The following PCDHA4 variants were observed in gnomAD, a reference collection of about 807,000 sequenced individuals.
PCDHA4 encodes the protein protocadherin alpha-4.
PCDHA4 carries 49 observed loss-of-function variants against 61.4 expected under a neutral mutation model. The observed-to-expected ratio is 0.80, with a 90% CI of 0.63 to 1.01. The LOEUF (loss-of-function observed/expected upper bound fraction) is 1.01, where lower values mean the gene tolerates loss of function less well. Ranked by LOEUF, PCDHA4 falls within the 50% of genes least tolerant of loss-of-function variation. The probability of loss-of-function intolerance (pLI) is 0.00; values close to 1 mark genes in which losing one functional copy is unlikely to be tolerated. For missense variants in PCDHA4, 1,254 were observed against 1,235.8 expected, an observed-to-expected ratio of 1.01 and a Z score of -0.22; for synonymous variants, 590 against 550.3, an observed-to-expected ratio of 1.07 and a Z score of -1.01.
At chr5:140,985,491 G>C (rs1288786153) in intron 3 of PCDHA4, among the ~76,000 whole-genome samples, 3 of 152,166 alleles carry the variant, frequency 2.0e-5, no homozygotes, top group African/African-American at 7.2e-5. Flanking sequence ...GACTCAAATA[G>C]AGCCTGCCTT....
At chr5:140,999,837 A>T (rs2097878885) in intron 3 of PCDHA4, among the ~76,000 whole-genome samples, 1 of 152,206 alleles carries the variant, frequency 6.6e-6, no homozygotes, top group Non-Finnish European at 1.5e-5. Context: ...AAATATGCCA[A>T]GTGTATTTAT....
chr5:140,936,303 T>C (rs1223461427), intron 1 of PCDHA4, among the ~76,000 whole-genome samples: 3 of 152,236 alleles, frequency 2.0e-5, no homozygotes, highest in South Asian at 2.1e-4. Flanking sequence ...TGCTATCCAA[T>C]AGAACTTTCT....
At chr5:140,946,631 T>TATATGTATATAC (rs57893927) in intron 1 of PCDHA4, among the ~76,000 whole-genome samples, 2 of 131,846 alleles carry the variant, frequency 1.5e-5, no homozygotes, top group Non-Finnish European at 3.1e-5. Flanking sequence ...TATATATATA[T>TATATGTATATAC]ACAATGGAAT....
intron 1 of PCDHA4, among the ~76,000 whole-genome samples, chr5:140,941,206 T>TCTTCCTTC (rs201128549): frequency 1.0e-4 from 10 of 95,674 alleles, no homozygotes; most frequent in African/African-American, 3.6e-4. Flanking sequence ...TTTCTTCCTT[T>TCTTCCTTC]CTTTCTTCCT....
At position 140,856,173 on chromosome 5, in the gene PCDHA4, C is replaced by A. The variant is rs782775861; in HGVS notation, c.2385+46601C>A. The stretch of plus-strand genomic sequence containing the variant: ...GTCTACGAGGAGGCCAGACACGGCA[C>A]CTTCGTGGGCCGCATCGCGCAGGAC... On this transcript the variant is annotated intron_variant, in intron 1 of 3. Coordinates refer to ENST00000530339, the MANE Select transcript of PCDHA4 (RefSeq NM_018907.4). The A allele has an allele frequency of 1.1e-5, 17 of 1,598,116 alleles. 1 individual carries two copies. The highest frequency in any genetic ancestry group is 3.4e-4 in the Middle Eastern group (2 of 5,954).
Position 140,809,416 on chromosome 5 carries a change from T to G in PCDHA4, c.2229T>G (p.Ser743Arg). 1.9e-6 allele frequency: 3 copies of G among 1,614,080 alleles called. No homozygotes were observed. The highest frequency in any genetic ancestry group is 2.5e-6 in the Non-Finnish European group (3 of 1,179,982). Residue 743 changes from serine to arginine, a missense_variant, in exon 1 of 4, where the codon AGT becomes AGG. Transcript: ENST00000530339. ...APGKPTLVCSSAVGSWSYSQQ... is the reference protein window; with the variant it reads ...APGKPTLVCSRAVGSWSYSQQ... ...GCAAGCCCACGCTGGTGTGCTCCAGTGCGGTGGGGAGCTGGTCATACTCGC... is the reference window on the plus strand; with the variant it reads ...GCAAGCCCACGCTGGTGTGCTCCAGGGCGGTGGGGAGCTGGTCATACTCGC...
chr5:140,898,414 C>T (rs1554187972), intron 1 of PCDHA4, among the ~76,000 whole-genome samples: 1 of 152,170 alleles, frequency 6.6e-6, no homozygotes, highest in Non-Finnish European at 1.5e-5. Flanking sequence ...ATACGGCTAG[C>T]CAGTTTTCCC....
chr5:140,877,242 G>A, intron 1 of PCDHA4: 1 of 1,613,732 alleles, frequency 6.2e-7, no homozygotes, highest in Non-Finnish European at 8.5e-7. Flanking sequence ...CGGGCCACGT[G>A]GTGGCGAAAG....
chr5:140,823,892 T>C, intron 1 of PCDHA4: 1 of 1,613,932 alleles, frequency 6.2e-7, no homozygotes, highest in Non-Finnish European at 8.5e-7. Context: ...ATCTGTGCGG[T>C]GTCCAGCCTG....
intron 1 of PCDHA4, among the ~76,000 whole-genome samples, chr5:140,909,254 G>A (rs915513119): frequency 6.6e-6 from 1 of 152,334 alleles, no homozygotes; most frequent in East Asian, 1.9e-4. Context: ...TGCTGGCCTT[G>A]CTGACTGAAG....
chr5:140,879,879 G>A lies in PCDHA4; in HGVS notation c.2385+70307G>A, dbSNP rs564256513. Among the ~76,000 whole-genome samples the A allele has an allele frequency of 4.6e-5, 7 of 152,240 alleles. No individual in the cohort carries two copies. In the South Asian group the frequency reaches 1.5e-3, roughly 32 times the overall value. On this transcript the variant is annotated intron_variant, in intron 1 of 3. Coordinates refer to ENST00000530339, the MANE Select transcript of PCDHA4 (RefSeq NM_018907.4). ...CCTTCTCAGCTTTCATGGTCACATT[G>A]CCTCCTCCTCTCCATGTCTCTCTCT... is the stretch of plus-strand genomic sequence containing the variant.
chr5:140,946,765 T>C (rs1255265012), intron 1 of PCDHA4, among the ~76,000 whole-genome samples: 2 of 151,428 alleles, frequency 1.3e-5, no homozygotes, highest in African/African-American at 4.9e-5. Flanking sequence ...ATCTCATTCA[T>C]GTGGAATGTA....
chr5:140,839,527 C>T (rs1390318368), intron 1 of PCDHA4, among the ~76,000 whole-genome samples: 1 of 151,932 alleles, frequency 6.6e-6, no homozygotes. Context: ...GTTGCTGGGA[C>T]TATAGGCACA....
chr5:140,982,797 G>A (rs2097006142), intron 3 of PCDHA4, among the ~76,000 whole-genome samples: 1 of 151,640 alleles, frequency 6.6e-6, no homozygotes, highest in Admixed American at 6.6e-5. Context: ...ATGTGTGCAT[G>A]TGTGTGTGTG....
intron 3 of PCDHA4, among the ~76,000 whole-genome samples, chr5:140,995,186 A>T (rs2097669011): frequency 6.6e-6 from 1 of 152,132 alleles, no homozygotes; most frequent in Non-Finnish European, 1.5e-5. Flanking sequence ...ACCTATGATA[A>T]AGTTTAATTT....
At chr5:140,873,494 T>C (rs2153295972) in intron 1 of PCDHA4, among the ~76,000 whole-genome samples, 1 of 152,254 alleles carries the variant, frequency 6.6e-6, no homozygotes, top group South Asian at 2.1e-4. Flanking sequence ...TTCTGCAAAG[T>C]TGTGTCTTTT....
rs781840422 is a variant in PCDHA4, at chr5:140,808,274, G to T, written c.1087G>T (p.Ala363Ser). ...KSLSLPIREDAPLGTVIALIS... is the reference protein window; with the variant it reads ...KSLSLPIREDSPLGTVIALIS... ...TTTATCACTTCCAATTAGAGAGGACGCTCCACTGGGTACAGTCATCGCCCT... is the reference window on the plus strand; with the variant it reads ...TTTATCACTTCCAATTAGAGAGGACTCTCCACTGGGTACAGTCATCGCCCT... Residue 363 changes from alanine to serine, a missense_variant, in exon 1 of 4, where the codon GCT becomes TCT. Transcript: ENST00000530339. The T allele has an allele frequency of 2.5e-6, 4 of 1,614,206 alleles. No individual in the cohort carries two copies. Among genetic ancestry groups the T allele is most frequent in the Non-Finnish European group, 3.4e-6 (4 of 1,180,042 alleles).
At chr5:140,979,244 T>C (rs1214932523) in intron 2 of PCDHA4, among the ~76,000 whole-genome samples, 1 of 152,224 alleles carries the variant, frequency 6.6e-6, no homozygotes, top group African/African-American at 2.4e-5. Context: ...AGAAACAGGC[T>C]GCTATGTATT....
At chr5:140,827,717 A>G (rs1179234580) in intron 1 of PCDHA4, among the ~76,000 whole-genome samples, 2 of 152,248 alleles carry the variant, frequency 1.3e-5, no homozygotes, top group African/African-American at 4.8e-5. Context: ...ATATTGGTAG[A>G]AAAGTTGTTT....
Sources: allele counts gnomAD v4.1 joint callset (sites outside exome capture counted in the v4.1 genomes callset), GRCh38; gene constraint gnomAD v4.1.1; transcripts MANE v1.5; gene names NCBI Gene and HGNC (gene_info 2026-07-23, HGNC 2026-07-21).